NRG1: variants seen among roughly 807,000 people sequenced by gnomAD.
NRG1 encodes the protein pro-neuregulin-1, membrane-bound isoform.
In NRG1, 18 loss-of-function variants were observed where a neutral mutation model predicts 63.8. The observed-to-expected ratio is 0.28, with a 90% CI of 0.19 to 0.42. NRG1 has a LOEUF of 0.42. NRG1 is among the 10% of genes least tolerant of loss of function. The pLI, the probability that NRG1 is intolerant of heterozygous loss-of-function variation, is 1.00. For synonymous variants in NRG1, 302 were observed against 301.3 expected (o/e 1.00, Z -0.02); for missense variants, 762 against 814.7 (o/e 0.94, Z 0.79).
At chr8:31,749,143 A>C (rs1816192281) in intron 1 of NRG1, among the ~76,000 whole-genome samples, 1 of 151,906 alleles carries the variant, frequency 6.6e-6, no homozygotes, top group African/African-American at 2.4e-5. Context: ...TTAAATGCTA[A>C]GAAAATTCAA....
At position 32,116,521 on chromosome 8, in the gene NRG1, T is replaced by G. The variant is rs891939810; in HGVS notation, c.37+477090T>G. Among the ~76,000 whole-genome samples, 3 of 152,124 alleles carry G rather than the reference T, an allele frequency of 2.0e-5. No individual in the cohort carries two copies. In the East Asian group the frequency reaches 5.8e-4, roughly 29 times the overall value. ...TAAATGTTTACTCCAAGCCAGGTGC[T>G]TGGACTCTAAAGAACTCTATTAGGC... On this transcript the variant is annotated intron_variant, in intron 1 of 10. Coordinates refer to the NRG1 transcript ENST00000519301.
chr8:32,486,114 A>C (rs1682547248), intron 1 of NRG1, among the ~76,000 whole-genome samples: 1 of 151,876 alleles, frequency 6.6e-6, no homozygotes, highest in South Asian at 2.1e-4. Context: ...TTATATTTTT[A>C]GTAGACAGGG....
At chr8:32,053,483 A>G (rs1373296759) in intron 1 of NRG1, among the ~76,000 whole-genome samples, 1 of 152,192 alleles carries the variant, frequency 6.6e-6, no homozygotes, top group East Asian at 1.9e-4. Flanking sequence ...TTGCAGCACT[A>G]GAAATGGACT....
At chr8:32,489,961 A>G (rs1232067922) in intron 1 of NRG1, among the ~76,000 whole-genome samples, 2 of 152,164 alleles carry the variant, frequency 1.3e-5, no homozygotes, top group Non-Finnish European at 2.9e-5. Context: ...ATGGTTCTCA[A>G]AGTGTAGTAT....
intron 1 of NRG1, among the ~76,000 whole-genome samples, chr8:32,265,785 G>A (rs1215968827): frequency 6.6e-6 from 1 of 152,108 alleles, no homozygotes; most frequent in African/African-American, 2.4e-5. Flanking sequence ...GGAGGCTATA[G>A]TGAGCCATGA....
chr8:32,407,307 TA>T (rs1194710377), intron 1 of NRG1, among the ~76,000 whole-genome samples: 7 of 3,082 alleles, frequency 2.3e-3, no homozygotes, highest in African/African-American at 4.2e-3. Flanking sequence ...TATATATATA[TA>T]TATATATATA....
chr8:32,153,234 C>T (rs1337795381), intron 1 of NRG1, among the ~76,000 whole-genome samples: 3 of 152,134 alleles, frequency 2.0e-5, no homozygotes, highest in Non-Finnish European at 2.9e-5. Flanking sequence ...TTCCAGCTGG[C>T]TCCATCAGTT....
At chr8:31,662,863 G>A (rs551368571) in intron 1 of NRG1, among the ~76,000 whole-genome samples, 8 of 152,036 alleles carry the variant, frequency 5.3e-5, no homozygotes, top group Non-Finnish European at 8.8e-5. Context: ...AATTTTTTGG[G>A]TTCCTCTTCT....
intron 5 of NRG1, among the ~76,000 whole-genome samples, chr8:32,620,632 G>A (rs772080193): frequency 2.2e-4 from 33 of 151,942 alleles, no homozygotes; most frequent in Non-Finnish European, 3.7e-4. Flanking sequence ...AGACTAGTCT[G>A]GGCAACACAT....
At chr8:32,511,062 C>T (rs1374968300) in intron 1 of NRG1, among the ~76,000 whole-genome samples, 3 of 148,664 alleles carry the variant, frequency 2.0e-5, no homozygotes, top group Non-Finnish European at 3.0e-5. Context: ...CTAATTTTCT[C>T]ACCATGCTTA....
At chr8:32,545,708 C>T (rs1283064063), upstream of NRG1, among the ~76,000 whole-genome samples, 2 of 151,686 alleles carry the variant, frequency 1.3e-5, no homozygotes, top group South Asian at 2.1e-4. Flanking sequence ...GTAATAAAAC[C>T]CCTTAAAATT....
intron 1 of NRG1, among the ~76,000 whole-genome samples, chr8:31,827,289 T>A (rs1008798178): frequency 7.2e-5 from 11 of 152,228 alleles, no homozygotes; most frequent in Non-Finnish European, 1.0e-4. Flanking sequence ...TTGAGCAGTC[T>A]TAGTTCTAAC....
chr8:31,977,663 G>A (rs892339210), intron 1 of NRG1, among the ~76,000 whole-genome samples: 1 of 151,992 alleles, frequency 6.6e-6, no homozygotes, highest in Non-Finnish European at 1.5e-5. Context: ...TAAAAGAATA[G>A]TAAACTAAAA....
chr8:32,670,467 G>A (rs1589110764), intron 5 of NRG1, among the ~76,000 whole-genome samples: 1 of 152,170 alleles, frequency 6.6e-6, no homozygotes, highest in Non-Finnish European at 1.5e-5. Flanking sequence ...AGGGTTATTA[G>A]TGATATTTTG....
At chr8:32,272,858 T>G (rs1851689277) in intron 1 of NRG1, among the ~76,000 whole-genome samples, 4 of 152,180 alleles carry the variant, frequency 2.6e-5, no homozygotes. Flanking sequence ...TTCCTTTATC[T>G]TAGCTAGAAA....
chr8:31,935,398 C>A (rs1835218227), intron 1 of NRG1, among the ~76,000 whole-genome samples: 1 of 152,148 alleles, frequency 6.6e-6, no homozygotes, highest in Admixed American at 6.6e-5. Flanking sequence ...ACTAGGATTA[C>A]AGGTGTGAGC....
chr8:31,719,319 A>G (rs1272194510), intron 1 of NRG1, among the ~76,000 whole-genome samples: 1 of 152,218 alleles, frequency 6.6e-6, no homozygotes, highest in African/African-American at 2.4e-5. Flanking sequence ...AATTGTTTAC[A>G]TTCTTTAATT....
chr8:31,884,960 A>T (rs1057013681), intron 1 of NRG1, among the ~76,000 whole-genome samples: 1 of 152,146 alleles, frequency 6.6e-6, no homozygotes. Context: ...CTTTGTAAAA[A>T]TGCACATCAG....
intron 1 of NRG1, among the ~76,000 whole-genome samples, chr8:31,758,099 G>C (rs959227931): frequency 2.6e-4 from 40 of 152,036 alleles, no homozygotes; most frequent in Non-Finnish European, 5.6e-4. Flanking sequence ...TGGGATACAT[G>C]TGCAGAACGT....
Sources: allele counts gnomAD v4.1 joint callset (sites outside exome capture counted in the v4.1 genomes callset), GRCh38; gene constraint gnomAD v4.1.1; transcripts MANE v1.5; gene names NCBI Gene and HGNC (gene_info 2026-07-23, HGNC 2026-07-21).